LSS: variants seen among roughly 807,000 people sequenced by gnomAD.
LSS encodes 2,3-epoxysqualene-lanosterol cyclase.
In LSS, 90 loss-of-function variants were observed where a neutral mutation model predicts 110.3. That is an observed-to-expected ratio of 0.82 (90% confidence interval 0.69 to 0.97). The LOEUF (loss-of-function observed/expected upper bound fraction) is 0.97, where lower values mean the gene tolerates loss of function less well. LSS is among the 50% of genes least tolerant of loss of function. The probability of loss-of-function intolerance (pLI) is 0.00; values close to 1 mark genes in which losing one functional copy is unlikely to be tolerated. For synonymous variants in LSS, 433 were observed against 400.0 expected (o/e 1.08, Z -0.98); for missense variants, 927 against 990.0 (o/e 0.94, Z 0.85).
chr21:46,193,207 TG>T, intron 20 of LSS: 1 of 445,252 alleles, frequency 2.2e-6, no homozygotes, highest in Non-Finnish European at 4.5e-6. Context: ...TGGGATGCTG[TG>T]GGTGTATCTG....
chr21:46,222,966 G>T (rs2080295965), intron 3 of LSS, among the ~76,000 whole-genome samples: 1 of 152,236 alleles, frequency 6.6e-6, no homozygotes, highest in South Asian at 2.1e-4. Context: ...GGCCTGTAGA[G>T]CCCACTCAGC....
intron 11 of LSS, among the ~76,000 whole-genome samples, chr21:46,211,204 G>A (rs752537746): frequency 1.3e-5 from 2 of 152,156 alleles, no homozygotes; most frequent in Non-Finnish European, 2.9e-5. Context: ...TCAGCTCGCT[G>A]CAAGCTCCGC....
At chr21:46,195,207 C>T (rs2079893306) in intron 19 of LSS, among the ~76,000 whole-genome samples, 1 of 152,226 alleles carries the variant, frequency 6.6e-6, no homozygotes, top group African/African-American at 2.4e-5. Flanking sequence ...CTCCAGCATA[C>T]ATGTCAGGAA....
Position 46,188,628 on chromosome 21 carries a change from C to G in LSS, c.*2476G>C. 2 of 470,796 alleles carry G rather than the reference C, an allele frequency of 4.2e-6. No individual in the cohort carries two copies. The highest frequency in any genetic ancestry group is 8.8e-6 in the Non-Finnish European group (2 of 227,014). 29.2% of individuals were successfully genotyped at this position (470,796 alleles called of 1,614,324 possible). A position where few individuals can be genotyped will look rare whatever the true frequency, so the allele number is the denominator to read the frequency against. On this transcript the variant is annotated 3_prime_UTR_variant, in exon 22 of 22. Coordinates refer to ENST00000397728, the MANE Select transcript of LSS (RefSeq NM_002340.6). ...GCCGACGGGGGAGGAACAGACTCCT[C>G]TGCATTGTGATCCAATTGTGAACAA...
intron 17 of LSS, 43 bp downstream of exon 17, chr21:46,205,793 C>G (rs779658346): frequency 6.7e-7 from 1 of 1,500,122 alleles, no homozygotes; most frequent in Non-Finnish European, 9.1e-7. Flanking sequence ...TCTTGGCCCC[C>G]GACTTGGCAG....
At position 46,222,710 on chromosome 21, in the gene LSS, G is replaced by A; in HGVS notation, c.348C>T (p.Arg116=). 2.5e-6 allele frequency: 4 copies of A among 1,613,916 alleles called. No individual in the cohort carries two copies. The highest frequency in any genetic ancestry group is 3.4e-6 in the Non-Finnish European group (4 of 1,180,024). ...CTCTGTATCCGGCTGGCAGAGGGAT[G>A]CGTGCCACGTGGCAAGTGATCAGGA... ...PGLLITCHVA[R]IPLPAGYREE... The change falls in exon 4 of 22, where the codon CGC becomes CGT. Residue 116 remains arginine, a synonymous_variant. Coordinates refer to ENST00000397728, the MANE Select transcript of LSS (RefSeq NM_002340.6).
intron 17 of LSS, among the ~76,000 whole-genome samples, chr21:46,202,654 T>TG (rs2123713019): frequency 6.6e-6 from 1 of 151,990 alleles, no homozygotes; most frequent in South Asian, 2.1e-4. Flanking sequence ...GAGGCCGAGG[T>TG]GGGAGGATTG....
At chr21:46,228,186 T>C (rs1475475764) in intron 2 of LSS, among the ~76,000 whole-genome samples, 1 of 152,244 alleles carries the variant, frequency 6.6e-6, no homozygotes, top group Non-Finnish European at 1.5e-5. Context: ...TTTGCAACTC[T>C]CCTATAAGTC....
chr21:46,211,289 G>A (rs1292924284), intron 11 of LSS, among the ~76,000 whole-genome samples: 1 of 152,196 alleles, frequency 6.6e-6, no homozygotes, highest in Non-Finnish European at 1.5e-5. Context: ...AGCACACCCA[G>A]CTAATTTTTT....
chr21:46,196,256 G>A lies in LSS; in HGVS notation c.1682C>T (p.Thr561Met), dbSNP rs773761688. Residue 561 changes from threonine to methionine, a missense_variant, in exon 18 of 22, where the codon ACG becomes ATG. By Grantham distance (81) the Thr-to-Met change is moderately conservative. Coordinates refer to ENST00000397728, the MANE Select transcript of LSS (RefSeq NM_002340.6). Reference sequence around the variant, plus strand: ...CCGCCGACAGAACTCTAAGCCCTGCGTGAGGGTCTCCCTGGAACACGAGAT... The same window carrying A: ...CCGCCGACAGAACTCTAAGCCCTGCATGAGGGTCTCCCTGGAACACGAGAT... The part of the protein sequence containing the change: ...HRAAEIRETL[T>M]QGLEFCRRQQ... The A allele has an allele frequency of 5.6e-6, 9 of 1,613,982 alleles. No individual in the cohort carries two copies. Among genetic ancestry groups the A allele is most frequent in the Admixed American group, 1.7e-5 (1 of 60,002 alleles).
At chr21:46,192,184 G>A (rs1569014401) in intron 20 of LSS, 1 of 602,748 alleles carries the variant, frequency 1.7e-6, no homozygotes, top group Non-Finnish European at 3.0e-6. Flanking sequence ...ATGACAGGCT[G>A]GGGACACAGG....
chr21:46,227,704 G>GAA lies in LSS; in HGVS notation c.181-16_181-15dup, dbSNP rs10550493. ...AAAGTAATTCTTCTGCAAAGAGATC[G>GAA]AAAAAAAAAAAAAGAGATAGCTGAC... On this transcript the variant is annotated splice_polypyrimidine_tract_variant and intron_variant, in intron 2 of 21. Coordinates refer to ENST00000397728, the MANE Select transcript of LSS (RefSeq NM_002340.6). 6.4e-5 allele frequency: 95 copies of GAA among 1,473,932 alleles called. No homozygotes were observed. Among genetic ancestry groups the GAA allele is most frequent in the South Asian group, 6.3e-4 (53 of 83,720 alleles). 91.3% of individuals were successfully genotyped at this position (1,473,932 alleles called of 1,614,324 possible). A position where few individuals can be genotyped will look rare whatever the true frequency, so the allele number is the denominator to read the frequency against.
At chr21:46,211,716 G>A (rs570168272) in intron 11 of LSS, among the ~76,000 whole-genome samples, 26 of 152,280 alleles carry the variant, frequency 1.7e-4, no homozygotes, top group African/African-American at 4.3e-4. Flanking sequence ...CAATGGGATC[G>A]AGCCTCAGGG....
chr21:46,218,534 G>A (rs369931005), intron 6 of LSS, among the ~76,000 whole-genome samples: 11 of 151,982 alleles, frequency 7.2e-5, no homozygotes, highest in African/African-American at 2.7e-4. Context: ...AGAGGCAGGA[G>A]AATTGCTTGA....
At chr21:46,215,159 A>AG in intron 9 of LSS, 21 bp downstream of exon 9, 3 of 1,595,418 alleles carry the variant, frequency 1.9e-6, no homozygotes, top group Non-Finnish European at 2.6e-6. Flanking sequence ...CTGCAGTCAG[A>AG]GGCCGGGCAG....
At chr21:46,211,315 G>GA (rs1448680261) in intron 11 of LSS, among the ~76,000 whole-genome samples, 2 of 152,084 alleles carry the variant, frequency 1.3e-5, no homozygotes, top group African/African-American at 2.4e-5. Context: ...TTTTTTAGTA[G>GA]CATCGGGGTT....
chr21:46,204,791 C>A (rs1471411895), intron 17 of LSS, among the ~76,000 whole-genome samples: 1 of 152,058 alleles, frequency 6.6e-6, no homozygotes, highest in Non-Finnish European at 1.5e-5. Context: ...ATTTTAAAAG[C>A]ATTTTCCAAC....
At chr21:46,206,813 A>G (rs1185115851) in intron 15 of LSS, 45 bp from the exon 16 acceptor site, 2 of 1,452,424 alleles carry the variant, frequency 1.4e-6, no homozygotes, top group South Asian at 2.3e-5. Flanking sequence ...TGTGCTGAGC[A>G]CACACAGGCG....
At position 46,191,072 on chromosome 21, in the gene LSS, G is replaced by A. The variant is rs369726796; in HGVS notation, c.*32C>T. 9.9e-6 allele frequency: 16 copies of A among 1,613,052 alleles called. No individual in the cohort carries two copies. Among genetic ancestry groups the A allele is most frequent in the Middle Eastern group, 1.7e-4 (1 of 5,892 alleles). On this transcript the variant is annotated 3_prime_UTR_variant, in exon 22 of 22. Transcript: ENST00000397728. The stretch of plus-strand genomic sequence containing the variant: ...CAGGACCCCTTGGCCTCACTGGAAC[G>A]CACAGACGGCACCCAGCAGGTAGGC...
Sources: gnomAD v4.1 joint callset for allele counts (sites outside exome capture counted in the v4.1 genomes callset) on GRCh38, gnomAD v4.1.1 for gene constraint, MANE v1.5 for transcripts, NCBI Gene and HGNC (gene_info 2026-07-23, HGNC 2026-07-21) for gene names.